The following ZNF732 variants were observed in gnomAD, a reference collection of about 807,000 sequenced individuals.
ZNF732 encodes zinc finger protein 732, also known as zinc finger protein LOC654254.
A neutral mutation model predicts 11.5 loss-of-function variants in ZNF732; 12 were observed. The ratio of observed to expected loss-of-function variants is 1.05; its 90% CI spans 0.67 to 1.70. The LOEUF (loss-of-function observed/expected upper bound fraction) is 1.70. Ranked by LOEUF, ZNF732 falls within the 40% of genes most tolerant of loss-of-function variation. The pLI, the probability that ZNF732 is intolerant of heterozygous loss-of-function variation, is 0.00. For missense variants in ZNF732, 702 were observed against 676.9 expected (o/e 1.04, Z -0.41); for synonymous variants, 231 against 236.5 (o/e 0.98, Z 0.21).
chr4:301,723 TG>T (rs1720122091), intron 1 of ZNF732, among the ~76,000 whole-genome samples: 1 of 151,560 alleles, frequency 6.6e-6, no homozygotes, highest in African/African-American at 2.4e-5. Flanking sequence ...TGTTGTGGGG[TG>T]GGAGGAGTGG....
At chr4:290,585 C>G (rs782461949) in intron 3 of ZNF732, among the ~76,000 whole-genome samples, 3 of 152,322 alleles carry the variant, frequency 2.0e-5, no homozygotes, top group Non-Finnish European at 4.4e-5. Context: ...CAGAGGCTCA[C>G]AGAGAGACCT....
At chr4:298,982 G>A (rs1300847269) in intron 1 of ZNF732, among the ~76,000 whole-genome samples, 1 of 152,114 alleles carries the variant, frequency 6.6e-6, no homozygotes, top group Non-Finnish European at 1.5e-5. Context: ...AAAACTCAAA[G>A]AGCTCCACCT....
intron 3 of ZNF732, among the ~76,000 whole-genome samples, chr4:286,820 T>C (rs1553840639): frequency 1.3e-5 from 2 of 152,198 alleles, no homozygotes; most frequent in African/African-American, 2.4e-5. Flanking sequence ...GCATTAAAGA[T>C]TGAATTATAC....
intron 1 of ZNF732, among the ~76,000 whole-genome samples, chr4:297,017 C>T (rs1320510010): frequency 6.6e-6 from 1 of 152,132 alleles, no homozygotes; most frequent in Non-Finnish European, 1.5e-5. Flanking sequence ...TGCCTGTAAT[C>T]CCAGCACTTT....
At position 271,617 on chromosome 4, in the gene ZNF732, C is replaced by T. The variant is rs1553837484; in HGVS notation, c.1240G>A (p.Gly414Arg). Residue 414 changes from glycine to arginine, a missense_variant, in exon 4 of 4, where the codon GGA becomes AGA. Gly to Arg is a moderately radical substitution (Grantham distance 125). Coordinates refer to ENST00000419098, the MANE Select transcript of ZNF732 (RefSeq NM_001137608.3). The part of the protein sequence containing the change: ...TLNEHKRIHT[G>R]ERPHKCEECG... ...TCTTCACATTTGTGGGGCCTCTCTC[C>T]AGTATGAATTCTCTTATGTTCATTA... 6.2e-7 allele frequency: 1 copy of T among 1,612,086 alleles called. No individual in the cohort carries two copies. The highest frequency in any genetic ancestry group is 1.1e-5 in the South Asian group (1 of 90,846).
intron 3 of ZNF732, among the ~76,000 whole-genome samples, chr4:273,059 CAA>C (rs1306014569): frequency 1.3e-5 from 2 of 152,042 alleles, no homozygotes; most frequent in Non-Finnish European, 2.9e-5. Flanking sequence ...CCTCCAATAA[CAA>C]AGAGTGCTGA....
At chr4:285,744 C>A (rs1553840531) in intron 3 of ZNF732, among the ~76,000 whole-genome samples, 1 of 152,106 alleles carries the variant, frequency 6.6e-6, no homozygotes, top group East Asian at 1.9e-4. Flanking sequence ...GCTGTGATAC[C>A]TTTATGTGTT....
At chr4:293,257 C>CATATATGTGTATATATATATAT in intron 3 of ZNF732, among the ~76,000 whole-genome samples, 1 of 142,614 alleles carries the variant, frequency 7.0e-6, no homozygotes, top group South Asian at 2.2e-4. Flanking sequence ...TATATATATA[C>CATATATGTGTATATATATATAT]ACATATATAT....
chr4:276,478 T>C (rs1337375490), intron 3 of ZNF732, among the ~76,000 whole-genome samples: 2 of 151,938 alleles, frequency 1.3e-5, no homozygotes, highest in African/African-American at 2.4e-5. Flanking sequence ...ACAATCTTTA[T>C]TGCACTGAAG....
chr4:291,859 T>C (rs542240356), intron 3 of ZNF732, among the ~76,000 whole-genome samples: 57 of 152,278 alleles, frequency 3.7e-4, no homozygotes, highest in Non-Finnish European at 3.8e-4. Flanking sequence ...GGTATGTGCA[T>C]AAATACAGAT....
intron 3 of ZNF732, among the ~76,000 whole-genome samples, chr4:275,278 C>T (rs1347949977): frequency 6.6e-6 from 1 of 151,646 alleles, no homozygotes; most frequent in African/African-American, 2.4e-5. Flanking sequence ...AAACAACACA[C>T]ACTTAAGCAT....
At chr4:297,165 G>A (rs1439351797) in intron 1 of ZNF732, among the ~76,000 whole-genome samples, 11 of 152,100 alleles carry the variant, frequency 7.2e-5, no homozygotes, top group Non-Finnish European at 1.5e-5. Flanking sequence ...CTACTCAGGA[G>A]GCTGAGGCAG....
chr4:303,111 G>A (rs1177807974), intron 1 of ZNF732, among the ~76,000 whole-genome samples: 2 of 152,146 alleles, frequency 1.3e-5, no homozygotes, highest in African/African-American at 2.4e-5. Context: ...CAAAAGCCCC[G>A]CGTCTATCAC....
In ZNF732 at chr4:282,824, G is replaced by T. The variant is rs1686988620; in HGVS notation, c.227-10194C>A. 2.0e-5 allele frequency among the ~76,000 whole-genome samples: 3 copies of T among 151,404 alleles called. No homozygotes were observed. The South Asian group carries it at 6.2e-4, about 31-fold the overall frequency. On this transcript the variant is annotated intron_variant, in intron 3 of 3. Transcript: ENST00000419098. Reference sequence around the variant, plus strand: ...ATACATACACACAAAAGAAATTAAAGCATATAACAAGAAAAATGAAACAAA... The same window carrying T: ...ATACATACACACAAAAGAAATTAAATCATATAACAAGAAAAATGAAACAAA...
chr4:304,432 C>T (rs1453499171), intron 1 of ZNF732, among the ~76,000 whole-genome samples: 3 of 152,178 alleles, frequency 2.0e-5, no homozygotes, highest in African/African-American at 7.2e-5. Context: ...CCATGTCTTT[C>T]TTCTGACAGA....
intron 3 of ZNF732, among the ~76,000 whole-genome samples, chr4:282,277 T>C (rs1719633763): frequency 6.6e-6 from 1 of 152,180 alleles, no homozygotes; most frequent in Non-Finnish European, 1.5e-5. Flanking sequence ...TTTTTATACA[T>C]AGAAGTTCAC....
In ZNF732 at chr4:271,711, A is replaced by G. The variant is rs61792087; in HGVS notation, c.1146T>C (p.Ser382=). 1 of 1,582,002 alleles carries G rather than the reference A, an allele frequency of 6.3e-7. No homozygotes were observed. Among genetic ancestry groups the G allele is most frequent in the Non-Finnish European group, 8.6e-7 (1 of 1,166,512 alleles). The change falls in exon 4 of 4, where the codon AGT becomes AGC. Residue 382 remains serine, a synonymous_variant. Coordinates refer to ENST00000419098, the MANE Select transcript of ZNF732 (RefSeq NM_001137608.3). ...RQSATLNKHK[S]IHTGEKPYTC... ...TGTAGGGTTTCTCTCCAGTATGAAT[A>G]CTCTTATGTTTATTAAGGGTTGCGG...
At position 275,544 on chromosome 4, in the gene ZNF732, C is replaced by G. The variant is rs143419790; in HGVS notation, c.227-2914G>C. Among the ~76,000 whole-genome samples, 505 of 151,762 alleles carry G rather than the reference C, an allele frequency of 3.3e-3. 4 individuals are homozygous for G. The East Asian group carries it at 0.039, about 12-fold the overall frequency. The stretch of plus-strand genomic sequence containing the variant: ...AAAGCAATCTGGGATAGGTATAAAG[C>G]TGAACAGCTAGATCAACTAAATAAA... On this transcript the variant is annotated intron_variant, in intron 3 of 3. Coordinates refer to ENST00000419098, the MANE Select transcript of ZNF732 (RefSeq NM_001137608.3).
chr4:293,024 C>T (rs1293197299), intron 3 of ZNF732, among the ~76,000 whole-genome samples: 23 of 132,788 alleles, frequency 1.7e-4, no homozygotes, highest in African/African-American at 6.3e-4. Context: ...GCCGAGATCG[C>T]GCCACTGCAC....
Sources: gnomAD v4.1 joint callset for allele counts (sites outside exome capture counted in the v4.1 genomes callset) on GRCh38, gnomAD v4.1.1 for gene constraint, MANE v1.5 for transcripts, NCBI Gene and HGNC (gene_info 2026-07-23, HGNC 2026-07-21) for gene names.